The following BLTP3A variants were observed in gnomAD, a reference collection of about 807,000 sequenced individuals.
The protein encoded by BLTP3A is ICBP90 binding protein 1.
chr6:34,817,805 T>G, the BLTP3A span, among the ~76,000 whole-genome samples: 3 of 151,804 alleles, frequency 2.0e-5, no homozygotes, highest in South Asian at 4.2e-4. Context: ...GAGTAAGAAG[T>G]GGTTAGGACC....
the BLTP3A span, chr6:34,864,098 A>T: frequency 6.2e-7 from 1 of 1,614,088 alleles, no homozygotes; most frequent in East Asian, 2.2e-5. Context: ...CGGTATCTCA[A>T]CAGTCATTTG....
At chr6:34,848,584 C>T in the BLTP3A span, among the ~76,000 whole-genome samples, 1,281 of 147,378 alleles carry the variant, frequency 8.7e-3, 18 homozygotes, top group African/African-American at 0.028. Context: ...CCAGCCTGGG[C>T]GACAGAGTGA....
chr6:34,868,752 G>A, the BLTP3A span, among the ~76,000 whole-genome samples: 10 of 150,810 alleles, frequency 6.6e-5, no homozygotes, highest in African/African-American at 2.4e-4. Flanking sequence ...TTAGCTCGGT[G>A]TGGCGGTGCG....
At chr6:34,796,021 T>C in the BLTP3A span, among the ~76,000 whole-genome samples, 1 of 152,188 alleles carries the variant, frequency 6.6e-6, no homozygotes, top group Non-Finnish European at 1.5e-5. Context: ...CTTTACCACA[T>C]ACAGGCTAGC....
chr6:34,870,872 C>T, the BLTP3A span: 3 of 1,614,142 alleles, frequency 1.9e-6, no homozygotes, highest in South Asian at 3.3e-5. Flanking sequence ...TTTCAGGAAT[C>T]CTCAACTTTG....
the BLTP3A span, among the ~76,000 whole-genome samples, chr6:34,823,963 G>A: frequency 6.7e-6 from 1 of 149,630 alleles, no homozygotes; most frequent in Non-Finnish European, 1.5e-5. Flanking sequence ...TTTTTTTTGA[G>A]ATGGGGTCTC....
chr6:34,858,342 C>T, the BLTP3A span: 1 of 1,614,196 alleles, frequency 6.2e-7, no homozygotes, highest in Non-Finnish European at 8.5e-7. Context: ...GCCTTCTGCA[C>T]ATGCTTTTTT....
the BLTP3A span, chr6:34,874,291 G>A: frequency 3.3e-5 from 5 of 152,266 alleles, no homozygotes; most frequent in Non-Finnish European, 5.9e-5. Flanking sequence ...CACTTTGGGA[G>A]GCCGAGGCGG....
At chr6:34,800,640 G>T in the BLTP3A span, among the ~76,000 whole-genome samples, 1 of 152,102 alleles carries the variant, frequency 6.6e-6, no homozygotes, top group Non-Finnish European at 1.5e-5. Context: ...TATTGGAAAA[G>T]AACATTTCCC....
the BLTP3A span, among the ~76,000 whole-genome samples, chr6:34,835,781 C>G: frequency 0.44 from 66,589 of 151,920 alleles, 16,392 homozygotes; most frequent in African/African-American, 0.67. Context: ...TGCTGTAATA[C>G]AATAAACAAT....
At chr6:34,871,971 A>G in the BLTP3A span, 4 of 1,572,052 alleles carry the variant, frequency 2.5e-6, no homozygotes, top group Middle Eastern at 1.7e-4. Context: ...CTTGGGGGCT[A>G]TACTTGTGAA....
chr6:34,801,323 A>G, the BLTP3A span, among the ~76,000 whole-genome samples: 1 of 152,158 alleles, frequency 6.6e-6, no homozygotes, highest in Non-Finnish European at 1.5e-5. Flanking sequence ...ATAGTTCCCT[A>G]TGTTAGCCTG....
the BLTP3A span, chr6:34,821,814 G>A: frequency 8.1e-6 from 13 of 1,613,948 alleles, no homozygotes; most frequent in South Asian, 3.3e-5. Flanking sequence ...GCCTCCATCC[G>A]GGTGAGAATG....
chr6:34,874,993 A>G, the BLTP3A span: 1 of 152,664 alleles, frequency 6.6e-6, no homozygotes, highest in African/African-American at 2.4e-5. Context: ...GAGTTAGATC[A>G]AATATCCAAT....
the BLTP3A span, among the ~76,000 whole-genome samples, chr6:34,845,223 CTG>C: frequency 6.6e-6 from 1 of 152,064 alleles, no homozygotes; most frequent in African/African-American, 2.4e-5. Context: ...GTCTATATGT[CTG>C]TTTTTATGCC....
At chr6:34,805,166 C>T in the BLTP3A span, among the ~76,000 whole-genome samples, 11 of 151,976 alleles carry the variant, frequency 7.2e-5, no homozygotes, top group Non-Finnish European at 1.5e-4. Context: ...TCGTGGCACA[C>T]ACCTGTAGTC....
chr6:34,833,349 A>C, the BLTP3A span, among the ~76,000 whole-genome samples: 1 of 151,818 alleles, frequency 6.6e-6, no homozygotes, highest in Admixed American at 6.6e-5. Context: ...TGAACCTCTT[A>C]TTCACCTGAC....
At chr6:34,795,022 C>T in the BLTP3A span, among the ~76,000 whole-genome samples, 351 of 152,040 alleles carry the variant, frequency 2.3e-3, no homozygotes, top group Non-Finnish European at 3.6e-3. Flanking sequence ...CTCCTGACCT[C>T]GTGATCCACC....
At chr6:34,804,565 G>A in the BLTP3A span, among the ~76,000 whole-genome samples, 1 of 152,128 alleles carries the variant, frequency 6.6e-6, no homozygotes, top group Non-Finnish European at 1.5e-5. Context: ...AAGCAGCAGG[G>A]TGCATTTAGG....
Sources: gnomAD v4.1 joint callset for allele counts (sites outside exome capture counted in the v4.1 genomes callset) on GRCh38, gnomAD v4.1.1 for gene constraint, MANE v1.5 for transcripts, NCBI Gene and HGNC (gene_info 2026-07-23, HGNC 2026-07-21) for gene names.